The following BAHCC1 variants were observed in gnomAD, a reference collection of about 807,000 sequenced individuals.
BAHCC1 encodes BAH domain and coiled-coil containing 1.
BAHCC1 carries 43 observed loss-of-function variants against 88.2 expected under a neutral mutation model. The observed-to-expected ratio is 0.49, with a 90% CI of 0.38 to 0.63. The LOEUF is 0.63. Among genes scored for constraint, BAHCC1 ranks in the 20% least tolerant of loss-of-function variants. The probability of loss-of-function intolerance (pLI) is 0.00; values close to 1 mark genes in which losing one functional copy is unlikely to be tolerated. For synonymous variants in BAHCC1, 1,510 were observed against 745.5 expected, an observed-to-expected ratio of 2.03 and a Z score of -16.71; for missense variants, 3,023 against 1,654.8, an observed-to-expected ratio of 1.83 and a Z score of -14.34.
rs536607453 is a variant in BAHCC1, at chr17:81,399,980, C to T, written c.178+63C>T. ...TTCGAGAGCGGAACAGGGCGCCCAC[C>T]CCTCCGCTCCCGGGAGCAGAGAAGC... On this transcript the variant is annotated intron_variant, in intron 2 of 27. Transcript: ENST00000675386. The surrounding 1 kb of genome is among the most constrained non-coding windows in gnomAD (Gnocchi z 4.5). The T allele has an allele frequency of 4.0e-4, 481 of 1,217,462 alleles. No homozygotes were observed. The highest frequency in any genetic ancestry group is 1.0e-3 in the East Asian group (30 of 29,798). The allele number at this position is 1,217,462 out of a possible 1,614,324, so 75.4% of individuals were successfully genotyped here. A position where few individuals can be genotyped will look rare whatever the true frequency, so the allele number is the denominator to read the frequency against.
At chr17:81,417,552 G>GCCCCCCCCCCC (rs782162192) in intron 2 of BAHCC1, among the ~76,000 whole-genome samples, 1 of 26,650 alleles carries the variant, frequency 3.8e-5, no homozygotes, top group African/African-American at 9.9e-5. Context: ...GGGAGCGTCG[G>GCCCCCCCCCCC]CCACCCCCCC....
chr17:81,446,765 C>T (rs1287044667), intron 10 of BAHCC1: 1 of 633,108 alleles, frequency 1.6e-6, no homozygotes, highest in Non-Finnish European at 2.9e-6. Flanking sequence ...GTTGCCCACG[C>T]TGGTCTCGAA....
At chr17:81,439,052 A>G (rs1249109487) in intron 4 of BAHCC1, among the ~76,000 whole-genome samples, 1 of 152,172 alleles carries the variant, frequency 6.6e-6, no homozygotes, top group Non-Finnish European at 1.5e-5. Flanking sequence ...GAAGGGATGC[A>G]GACTTTGTCT....
chr17:81,458,323 G>A lies in BAHCC1; in HGVS notation c.5200G>A (p.Ala1734Thr). Residue 1734 changes from alanine (A) to threonine (T), a missense_variant, in exon 18 of 28, where the codon GCA becomes ACA. Coordinates refer to ENST00000675386, the MANE Select transcript of BAHCC1 (RefSeq NM_001377448.1). The part of the protein sequence containing the change: ...AKGKAKGSLR[A>T]EPGATPSRDA... Reference sequence around the variant, plus strand: ...GGGCAAGGCCAAGGGCAGCCTGCGGGCAGAGCCGGGGGCCACCCCCAGCAG... The same window carrying A: ...GGGCAAGGCCAAGGGCAGCCTGCGGACAGAGCCGGGGGCCACCCCCAGCAG... 1 of 744,304 alleles carries A rather than the reference G, an allele frequency of 1.3e-6. No homozygotes were observed. The highest frequency in any genetic ancestry group is 2.5e-6 in the Non-Finnish European group (1 of 401,440). The allele number at this position is 744,304 out of a possible 1,614,324, so 46.1% of individuals were successfully genotyped here.
At chr17:81,428,977 C>T (rs2064230953) in intron 3 of BAHCC1, among the ~76,000 whole-genome samples, 1 of 152,198 alleles carries the variant, frequency 6.6e-6, no homozygotes, top group Non-Finnish European at 1.5e-5. Flanking sequence ...GGAAGTAGCT[C>T]CTCCAGGCGG....
At chr17:81,406,057 C>T (rs782630224) in intron 2 of BAHCC1, among the ~76,000 whole-genome samples, 30 of 152,208 alleles carry the variant, frequency 2.0e-4, no homozygotes, top group Non-Finnish European at 3.8e-4. Context: ...GGGGTGCCCC[C>T]TTGCCCTCCT....
chr17:81,444,223 C>T (rs1268505006), intron 6 of BAHCC1, 158 bp from the exon 7 acceptor site: 1 of 612,558 alleles, frequency 1.6e-6, no homozygotes, highest in Non-Finnish European at 2.9e-6. Context: ...GTCCCGTTCT[C>T]CCTCCCAGGT....
chr17:81,403,695 A>G (rs1294200597), intron 2 of BAHCC1, among the ~76,000 whole-genome samples: 5 of 152,362 alleles, frequency 3.3e-5, no homozygotes, highest in African/African-American at 9.6e-5. Context: ...TGCAACAGTT[A>G]GCAACATTAA....
intron 2 of BAHCC1, among the ~76,000 whole-genome samples, chr17:81,409,562 G>A (rs868911679): frequency 6.6e-6 from 1 of 152,202 alleles, no homozygotes. Flanking sequence ...GCGGGGTCGC[G>A]GGGGTGCAGC....
At chr17:81,453,429 T>G (rs943173561) in intron 14 of BAHCC1, among the ~76,000 whole-genome samples, 2 of 152,288 alleles carry the variant, frequency 1.3e-5, no homozygotes, top group Non-Finnish European at 2.9e-5. Context: ...TCAATCCTGA[T>G]GATTTGGTAA....
In BAHCC1 at chr17:81,443,238, T is replaced by A; in HGVS notation, c.1889T>A (p.Val630Asp). The change falls in exon 5 of 28, where the codon GTC (valine) becomes GAC (aspartate). Residue 630 changes from valine to aspartate, a missense_variant. By Grantham distance (152) the Val-to-Asp change is radical. Transcript: ENST00000675386. ...PQELPAPPDE[V>D]SAMKNLLKYS... Reference sequence around the variant, plus strand: ...GAACTGCCTGCGCCGCCGGACGAGGTCTCAGCCATGAAGAACCTGCTCAAA... The same window carrying A: ...GAACTGCCTGCGCCGCCGGACGAGGACTCAGCCATGAAGAACCTGCTCAAA... The A allele has an allele frequency of 1.3e-6, 1 of 779,354 alleles. No homozygotes were observed. Among genetic ancestry groups the A allele is most frequent in the South Asian group, 1.3e-5 (1 of 74,622 alleles). The allele number at this position is 779,354 out of a possible 1,614,324, so 48.3% of individuals were successfully genotyped here.
At chr17:81,413,077 C>A in intron 2 of BAHCC1, 1 of 436,148 alleles carries the variant, frequency 2.3e-6, no homozygotes, top group Non-Finnish European at 4.6e-6. Context: ...GCGCCAATTA[C>A]ATAAAGGTGA....
intron 4 of BAHCC1, among the ~76,000 whole-genome samples, chr17:81,441,570 G>C (rs2064415848): frequency 6.6e-6 from 1 of 151,072 alleles, no homozygotes; most frequent in African/African-American, 2.4e-5. Flanking sequence ...GCTGAGACAG[G>C]AGAATGGCGT....
rs1291975533 is a variant in BAHCC1, at chr17:81,460,626, C to G, written c.6122C>G (p.Pro2041Arg). ...EAPPPSEAAT[P>R]SLSPKAQDGP... ...CCCCCGCCTAGTGAAGCCGCCACCC[C>G]CAGCCTGTCCCCCAAAGCACAGGAC... The change falls in exon 25 of 28, where the codon CCC becomes CGC. Residue 2041 changes from proline (P) to arginine (R), a missense_variant. By Grantham distance (103) the Pro-to-Arg change is moderately radical. Transcript: ENST00000675386. 19 of 771,224 alleles carry G rather than the reference C, an allele frequency of 2.5e-5. No homozygotes were observed. In the Admixed American group the frequency reaches 2.6e-4, roughly 11 times the overall value. 47.8% of individuals were successfully genotyped at this position (771,224 alleles called of 1,614,324 possible). A position where few individuals can be genotyped will look rare whatever the true frequency, so the allele number is the denominator to read the frequency against.
intron 11 of BAHCC1, among the ~76,000 whole-genome samples, chr17:81,449,187 C>T (rs74333240): frequency 0.066 from 10,121 of 152,242 alleles, 397 homozygotes; most frequent in Middle Eastern, 0.13. Flanking sequence ...CGTCACACTC[C>T]GGCCAGGCCA....
At chr17:81,440,865 A>G (rs782565422) in intron 4 of BAHCC1, among the ~76,000 whole-genome samples, 1 of 152,166 alleles carries the variant, frequency 6.6e-6, no homozygotes, top group Non-Finnish European at 1.5e-5. Flanking sequence ...AGACACCCAG[A>G]TGAGAGGCCG....
In BAHCC1 at chr17:81,435,554, G is replaced by A; in HGVS notation, c.359-2816G>A. ...AAAAGCTCCCGTCTCAAAGGGGTCTGGGAAGGGGAGGTTCTGGAGCCCCGA... is the reference window on the plus strand; with the variant it reads ...AAAAGCTCCCGTCTCAAAGGGGTCTAGGAAGGGGAGGTTCTGGAGCCCCGA... On this transcript the variant is annotated intron_variant, in intron 3 of 27. Coordinates refer to ENST00000675386, the MANE Select transcript of BAHCC1 (RefSeq NM_001377448.1). This position sits in a 1 kb window ranked among gnomAD's most constrained non-coding sequence, Gnocchi z 4.4. 2.2e-6 allele frequency: 1 copy of A among 464,220 alleles called. No individual in the cohort carries two copies. Among genetic ancestry groups the A allele is most frequent in the South Asian group, 1.6e-5 (1 of 64,310 alleles). 28.8% of individuals were successfully genotyped at this position (464,220 alleles called of 1,614,324 possible). A position where few individuals can be genotyped will look rare whatever the true frequency, so the allele number is the denominator to read the frequency against.
intron 26 of BAHCC1, among the ~76,000 whole-genome samples, chr17:81,462,403 G>GCA (rs1218708267): frequency 6.6e-6 from 1 of 152,246 alleles, no homozygotes; most frequent in Non-Finnish European, 1.5e-5. Flanking sequence ...CCTCACCAGG[G>GCA]CACTGCTCGG....
intron 24 of BAHCC1, 31 bp from the exon 25 acceptor site, chr17:81,460,499 C>A: frequency 1.4e-6 from 1 of 732,092 alleles, no homozygotes; most frequent in South Asian, 1.5e-5. Flanking sequence ...ACAGCCATGG[C>A]ACTGAAGCCC....
Sources: gnomAD v4.1 joint callset for allele counts (sites outside exome capture counted in the v4.1 genomes callset) on GRCh38, gnomAD v4.1.1 for gene constraint, Gnocchi (gnomAD v3.1) non-coding constraint, MANE v1.5 for transcripts, NCBI Gene and HGNC (gene_info 2026-07-23, HGNC 2026-07-21) for gene names.